USP43: variants seen among roughly 807,000 people sequenced by gnomAD.
USP43 encodes the protein ubiquitin specific peptidase 43, also known as ubiquitin carboxyl-terminal hydrolase 43.
A neutral mutation model predicts 90.7 loss-of-function variants in USP43; 33 were observed. The ratio of observed to expected loss-of-function variants is 0.36; its 90% CI spans 0.28 to 0.49. The LOEUF is 0.49. USP43 is among the 20% of genes least tolerant of loss of function. The probability of loss-of-function intolerance (pLI) is 0.98; values close to 1 mark genes in which losing one functional copy is unlikely to be tolerated. For synonymous variants in USP43, 598 were observed against 615.8 expected, an observed-to-expected ratio of 0.97 and a Z score of 0.43; for missense variants, 1,274 against 1,476.4, an observed-to-expected ratio of 0.86 and a Z score of 2.25.
chr17:9,703,393 G>A (rs375018117), intron 12 of USP43, among the ~76,000 whole-genome samples: 5 of 152,316 alleles, frequency 3.3e-5, no homozygotes, highest in African/African-American at 1.2e-4. Context: ...CGTGAGAAGC[G>A]TTGGCATCTG....
intron 1 of USP43, among the ~76,000 whole-genome samples, chr17:9,649,217 G>A (rs574221470): frequency 4.6e-5 from 7 of 152,194 alleles, no homozygotes; most frequent in South Asian, 2.1e-4. Context: ...TGAGACAGGC[G>A]AATTGCTTGA....
intron 14 of USP43, among the ~76,000 whole-genome samples, chr17:9,712,962 A>G (rs1431517648): frequency 6.6e-6 from 1 of 152,180 alleles, no homozygotes; most frequent in Non-Finnish European, 1.5e-5. Flanking sequence ...CACCTCAAAC[A>G]TTTATCATTT....
chr17:9,645,474 C>A, upstream of USP43: 3 of 632,232 alleles, frequency 4.7e-6, no homozygotes, highest in Non-Finnish European at 6.4e-6. This position sits in a 1 kb window ranked among gnomAD's most constrained non-coding sequence, Gnocchi z 6.8. Context: ...CCGCGCGGGG[C>A]GGGGCTGCCC....
In USP43 at chr17:9,693,239, G is replaced by T; in HGVS notation, c.1457+9G>T. On this transcript the variant is annotated intron_variant, in intron 9 of 14. Coordinates refer to ENST00000285199, the MANE Select transcript of USP43 (RefSeq NM_153210.5). Reference sequence around the variant, plus strand: ...CACTGGGCAGTTGACAGGTAAGGGGGAAGGTCCAGGTTCAGTCAGCTAATG... The same window carrying T: ...CACTGGGCAGTTGACAGGTAAGGGGTAAGGTCCAGGTTCAGTCAGCTAATG... 2 of 1,607,016 alleles carry T rather than the reference G, an allele frequency of 1.2e-6. No individual in the cohort carries two copies. Among genetic ancestry groups the T allele is most frequent in the Non-Finnish European group, 1.7e-6 (2 of 1,175,804 alleles).
chr17:9,664,889 G>A (rs137997988), intron 2 of USP43, among the ~76,000 whole-genome samples: 5,990 of 152,164 alleles, frequency 0.039, 165 homozygotes, highest in Admixed American at 0.087. Context: ...CACCCACCTC[G>A]GTCTCCCAAA....
intron 14 of USP43, among the ~76,000 whole-genome samples, chr17:9,723,454 A>G (rs1430805377): frequency 7.0e-6 from 1 of 142,396 alleles, no homozygotes; most frequent in Admixed American, 7.3e-5. Context: ...TCCTGGATCT[A>G]TCTTCTGAGT....
chr17:9,671,593 G>A (rs749937621), intron 3 of USP43, among the ~76,000 whole-genome samples: 12 of 152,160 alleles, frequency 7.9e-5, no homozygotes, highest in African/African-American at 1.4e-4. Context: ...AAAGCAAACC[G>A]CAGCCCTGAG....
rs1260436137 is a variant in USP43 at position 9,729,066 on chromosome 17, A to G, written c.*76A>G. ...CAACTGTAGGCAGCTCATGTTGAGA[A>G]TGGGTTTCCAGGAAACCCGTTGTCT... On this transcript the variant is annotated 3_prime_UTR_variant, in exon 15 of 15. Coordinates refer to ENST00000285199, the MANE Select transcript of USP43 (RefSeq NM_153210.5). 4 of 1,374,136 alleles carry G rather than the reference A, an allele frequency of 2.9e-6. No homozygotes were observed. The East Asian group carries it at 7.9e-5, about 27-fold the overall frequency. 85.1% of individuals were successfully genotyped at this position (1,374,136 alleles called of 1,614,324 possible). A position where few individuals can be genotyped will look rare whatever the true frequency, so the allele number is the denominator to read the frequency against.
intron 8 of USP43, among the ~76,000 whole-genome samples, chr17:9,688,792 T>C (rs932215105): frequency 6.6e-5 from 10 of 152,224 alleles, no homozygotes; most frequent in African/African-American, 2.4e-4. Flanking sequence ...GCTCAAGTGA[T>C]CCTCCTGCCT....
intron 9 of USP43, among the ~76,000 whole-genome samples, chr17:9,696,055 T>A (rs140115877): frequency 8.7e-4 from 132 of 152,236 alleles, no homozygotes; most frequent in African/African-American, 3.1e-3. Context: ...CCTCTCCCTC[T>A]CTGGGATGCT....
rs1912514982 is a variant in USP43, at chr17:9,659,659, C to T, written c.636+3125C>T. Among the ~76,000 whole-genome samples, 3 of 152,090 alleles carry T rather than the reference C, an allele frequency of 2.0e-5. No individual in the cohort carries two copies. The South Asian group carries it at 6.2e-4, about 32-fold the overall frequency. On this transcript the variant is annotated intron_variant, in intron 2 of 14. Coordinates refer to ENST00000285199, the MANE Select transcript of USP43 (RefSeq NM_153210.5). ...CTTGTAAGGTAGGTGGGATAGATAG[C>T]CTTTCCATTTTCCTTTTCTATCTCT...
intron 8 of USP43, among the ~76,000 whole-genome samples, chr17:9,689,410 CA>C: frequency 7.5e-6 from 1 of 133,356 alleles, no homozygotes; most frequent in Middle Eastern, 3.5e-3. Flanking sequence ...CTATCAATGC[CA>C]ATTTTTTTTT....
At chr17:9,697,540 T>G (rs1459560199) in intron 9 of USP43, among the ~76,000 whole-genome samples, 1 of 152,236 alleles carries the variant, frequency 6.6e-6, no homozygotes, top group East Asian at 1.9e-4. Flanking sequence ...TATGTCCATG[T>G]GTACCCACGG....
intron 10 of USP43, 84 bp downstream of exon 10, chr17:9,700,333 C>T (rs1915499424): frequency 1.2e-5 from 17 of 1,360,238 alleles, no homozygotes; most frequent in Non-Finnish European, 1.6e-5. Context: ...CTTCCCCCAG[C>T]ACGGCTGCAG....
intron 8 of USP43, among the ~76,000 whole-genome samples, chr17:9,691,038 C>T (rs1271617057): frequency 6.6e-6 from 1 of 151,928 alleles, no homozygotes; most frequent in African/African-American, 2.4e-5. Flanking sequence ...CTTTTTACAT[C>T]TGGCTTATTT....
intron 6 of USP43, among the ~76,000 whole-genome samples, chr17:9,682,487 T>C (rs1914349549): frequency 6.6e-6 from 1 of 152,184 alleles, no homozygotes; most frequent in Non-Finnish European, 1.5e-5. Context: ...GGAGAATCAT[T>C]TGAACCTGGA....
chr17:9,663,042 T>A (rs1912752989), intron 2 of USP43, among the ~76,000 whole-genome samples: 1 of 152,002 alleles, frequency 6.6e-6, no homozygotes, highest in African/African-American at 2.4e-5. Flanking sequence ...GGTCTCGAAC[T>A]CCTGACCTCA....
rs530843778 is a variant in USP43, at chr17:9,690,622, C to T, written c.1354-2505C>T. Among the ~76,000 whole-genome samples the T allele has an allele frequency of 2.4e-3, 359 of 152,258 alleles. 3 individuals are homozygous for T. Among genetic ancestry groups the T allele is most frequent in the African/African-American group, 7.8e-3 (323 of 41,536 alleles). On this transcript the variant is annotated intron_variant, in intron 8 of 14. Coordinates refer to ENST00000285199, the MANE Select transcript of USP43 (RefSeq NM_153210.5). ...AAATGTTGCCAGACGTGGTGGCTCACGCCTGTACTCCCAGCACTTTGGGAG... is the reference window on the plus strand; with the variant it reads ...AAATGTTGCCAGACGTGGTGGCTCATGCCTGTACTCCCAGCACTTTGGGAG...
At chr17:9,676,493 C>T (rs541017066) in intron 4 of USP43, among the ~76,000 whole-genome samples, 1 of 152,280 alleles carries the variant, frequency 6.6e-6, no homozygotes, top group East Asian at 1.9e-4. Flanking sequence ...CCTCAGCCTC[C>T]CAAGTAGCTG....
Sources: gnomAD v4.1 joint callset for allele counts (sites outside exome capture counted in the v4.1 genomes callset) on GRCh38, gnomAD v4.1.1 for gene constraint, Gnocchi (gnomAD v3.1) non-coding constraint, MANE v1.5 for transcripts, NCBI Gene and HGNC (gene_info 2026-07-23, HGNC 2026-07-21) for gene names.